The following RRAS2 variants were observed in gnomAD, a reference collection of about 807,000 sequenced individuals.
RRAS2 encodes ras-related protein R-Ras2.
Under a neutral mutation model 27.6 loss-of-function variants are expected in RRAS2, and 7 were observed. That is an observed-to-expected ratio of 0.25 (90% confidence interval 0.14 to 0.48). RRAS2 has a LOEUF of 0.48. Among genes scored for constraint, RRAS2 ranks in the 20% least tolerant of loss-of-function variants. The probability of loss-of-function intolerance (pLI) is 0.99; values close to 1 mark genes in which losing one functional copy is unlikely to be tolerated. For missense variants in RRAS2, 178 were observed against 256.2 expected, an observed-to-expected ratio of 0.69 and a Z score of 2.08; for synonymous variants, 86 against 90.9, an observed-to-expected ratio of 0.95 and a Z score of 0.31.
chr11:14,302,064 C>CCACACACA (rs1391326999), intron 1 of RRAS2, among the ~76,000 whole-genome samples: 146 of 51,830 alleles, frequency 2.8e-3, no homozygotes, highest in Non-Finnish European at 3.9e-3. Flanking sequence ...AGTAAATGTA[C>CCACACACA]CACACACATA....
At chr11:14,303,748 C>T (rs1554947697) in intron 1 of RRAS2, among the ~76,000 whole-genome samples, 1 of 152,172 alleles carries the variant, frequency 6.6e-6, no homozygotes, top group African/African-American at 2.4e-5. Context: ...CATCATCTCT[C>T]TCTCCCTGCT....
Position 14,358,703 on chromosome 11 carries a change from G to A in RRAS2, c.108+60C>T. On this transcript the variant is annotated intron_variant, in intron 1 of 5. Coordinates refer to ENST00000256196, the MANE Select transcript of RRAS2 (RefSeq NM_012250.6). The surrounding 1 kb of genome is among the most constrained non-coding windows in gnomAD (Gnocchi z 5.1). ...AGGTCGCGGCGGCCGCCCCGCCACA[G>A]GTAGCGCCAGCCCCCGCCCGCCGCC... 1 of 1,114,720 alleles carries A rather than the reference G, an allele frequency of 9.0e-7. No homozygotes were observed. Among genetic ancestry groups the A allele is most frequent in the Non-Finnish European group, 1.1e-6 (1 of 912,952 alleles). The allele number at this position is 1,114,720 out of a possible 1,614,324, so 69.1% of individuals were successfully genotyped here. A position where few individuals can be genotyped will look rare whatever the true frequency, so the allele number is the denominator to read the frequency against.
intron 1 of RRAS2, among the ~76,000 whole-genome samples, chr11:14,319,369 T>TTTA (rs1491049173): frequency 1.4e-5 from 2 of 145,786 alleles, no homozygotes; most frequent in African/African-American, 5.1e-5. Flanking sequence ...TTTTTTTTTT[T>TTTA]GAGACGGAGT....
At chr11:14,312,409 C>T (rs1396524545) in intron 1 of RRAS2, among the ~76,000 whole-genome samples, 1 of 152,242 alleles carries the variant, frequency 6.6e-6, no homozygotes, top group Non-Finnish European at 1.5e-5. Flanking sequence ...AATTCAGGCA[C>T]TTGTTTTTTG....
chr11:14,321,222 G>A (rs754361868), intron 1 of RRAS2, among the ~76,000 whole-genome samples: 164 of 151,868 alleles, frequency 1.1e-3, no homozygotes, highest in Non-Finnish European at 2.0e-3. Flanking sequence ...CACGACGCAC[G>A]TCAATATTTT....
intron 4 of RRAS2, among the ~76,000 whole-genome samples, chr11:14,287,297 A>G (rs1395768809): frequency 6.6e-6 from 1 of 152,212 alleles, no homozygotes; most frequent in East Asian, 1.9e-4. Flanking sequence ...CTTAGCAGCT[A>G]AAAAAGTAAA....
chr11:14,294,370 G>GT (rs2133961353), intron 4 of RRAS2, 101 bp downstream of exon 4: 1 of 635,632 alleles, frequency 1.6e-6, no homozygotes. Flanking sequence ...ATGGAGCACC[G>GT]TATTTTTTTT....
chr11:14,294,305 G>A (rs575966534), intron 4 of RRAS2, among the ~76,000 whole-genome samples, 166 bp downstream of exon 4: 12 of 151,646 alleles, frequency 7.9e-5, no homozygotes, highest in African/African-American at 1.5e-4. Context: ...TTTTTCACCC[G>A]CTGTGACTTC....
rs1174668625 is a variant in RRAS2, at chr11:14,317,236, G to A, written c.109-21381C>T. On this transcript the variant is annotated intron_variant, in intron 1 of 5. Transcript: ENST00000256196. ...CGTATACACCTTACCAAGAACAGAC[G>A]TGTTTGCAAAATGCAAGACAGACCT... Among the ~76,000 whole-genome samples the A allele has an allele frequency of 5.9e-5, 9 of 152,140 alleles. No individual in the cohort carries two copies. In the East Asian group the frequency reaches 1.2e-3, roughly 20 times the overall value.
At chr11:14,335,585 C>A (rs1848572393) in intron 1 of RRAS2, among the ~76,000 whole-genome samples, 1 of 152,088 alleles carries the variant, frequency 6.6e-6, no homozygotes, top group Non-Finnish European at 1.5e-5. Context: ...ACTTAATAAA[C>A]CAAAAAGCCC....
In RRAS2 at chr11:14,358,966, G is replaced by A. The variant is rs1849144094; in HGVS notation, c.-96C>T. ...GACGTGTGCGGCCGGCGGGCTGCGGGCGAGCGGCCGGGCTGGGGTCCCGGG... is the reference window on the plus strand; with the variant it reads ...GACGTGTGCGGCCGGCGGGCTGCGGACGAGCGGCCGGGCTGGGGTCCCGGG... On this transcript the variant is annotated 5_prime_UTR_variant, in exon 1 of 6. Coordinates refer to ENST00000256196, the MANE Select transcript of RRAS2 (RefSeq NM_012250.6). The surrounding 1 kb of genome is among the most constrained non-coding windows in gnomAD (Gnocchi z 5.1). 3.5e-6 allele frequency: 4 copies of A among 1,158,346 alleles called. No homozygotes were observed. In the South Asian group the frequency reaches 1.6e-4, roughly 47 times the overall value. 71.8% of individuals were successfully genotyped at this position (1,158,346 alleles called of 1,614,324 possible).
At chr11:14,336,420 A>T (rs377024247) in intron 1 of RRAS2, among the ~76,000 whole-genome samples, 1 of 152,228 alleles carries the variant, frequency 6.6e-6, no homozygotes, top group African/African-American at 2.4e-5. Flanking sequence ...TCGAGATAAC[A>T]AAGATGTCAG....
In RRAS2 at chr11:14,358,403, C is replaced by G; in HGVS notation, c.108+360G>C. 1 of 985,482 alleles carries G rather than the reference C, an allele frequency of 1.0e-6. No individual in the cohort carries two copies. Among genetic ancestry groups the G allele is most frequent in the Non-Finnish European group, 1.2e-6 (1 of 830,054 alleles). 61.0% of individuals were successfully genotyped at this position (985,482 alleles called of 1,614,324 possible). On this transcript the variant is annotated intron_variant, in intron 1 of 5. Coordinates refer to ENST00000256196, the MANE Select transcript of RRAS2 (RefSeq NM_012250.6). This position sits in a 1 kb window ranked among gnomAD's most constrained non-coding sequence, Gnocchi z 5.1. ...CAGCGCGCGGGGCTCCAGCTCCAGC[C>G]CCACGCCCGGACCCTCGGAGCAGTA...
At chr11:14,332,252 A>G (rs1224324314) in intron 1 of RRAS2, among the ~76,000 whole-genome samples, 1 of 152,212 alleles carries the variant, frequency 6.6e-6, no homozygotes, top group Non-Finnish European at 1.5e-5. Context: ...ACAGTTAATG[A>G]ACATTGGAAA....
chr11:14,336,218 TCAC>T (rs1848586768), intron 1 of RRAS2, among the ~76,000 whole-genome samples: 6 of 152,248 alleles, frequency 3.9e-5, no homozygotes, highest in Middle Eastern at 3.4e-3. Context: ...GACACCTGCC[TCAC>T]CTCACAGTAA....
chr11:14,298,156 C>T (rs975295031), intron 1 of RRAS2, among the ~76,000 whole-genome samples: 4 of 152,154 alleles, frequency 2.6e-5, no homozygotes, highest in East Asian at 1.9e-4. Context: ...ATAAAGCATG[C>T]GCTGTACTTT....
At chr11:14,308,678 C>G (rs1554948435) in intron 1 of RRAS2, among the ~76,000 whole-genome samples, 1 of 152,216 alleles carries the variant, frequency 6.6e-6, no homozygotes, top group African/African-American at 2.4e-5. Flanking sequence ...TCACTCCTCA[C>G]TGACACCAAA....
chr11:14,295,896 A>C (rs1564958766), intron 1 of RRAS2, 41 bp from the exon 2 acceptor site: 1 of 1,573,162 alleles, frequency 6.4e-7, no homozygotes, highest in Non-Finnish European at 8.7e-7. Flanking sequence ...ATTCATGGCC[A>C]GGCATGGTAG....
chr11:14,339,913 A>C (rs1848665566), intron 1 of RRAS2, among the ~76,000 whole-genome samples: 1 of 151,750 alleles, frequency 6.6e-6, no homozygotes. Flanking sequence ...CAGGAGTTCG[A>C]GACCAGCCTG....
Sources: allele counts gnomAD v4.1 joint callset (sites outside exome capture counted in the v4.1 genomes callset), GRCh38; gene constraint gnomAD v4.1.1; non-coding constraint Gnocchi (gnomAD v3.1); transcripts MANE v1.5; gene names NCBI Gene and HGNC (gene_info 2026-07-23, HGNC 2026-07-21).